The following MTMR3 variants were observed in gnomAD, a reference collection of about 807,000 sequenced individuals.
MTMR3 encodes the protein myotubularin related protein 3, also known as phosphatidylinositol-3,5-bisphosphate 3-phosphatase MTMR3.
MTMR3 carries 32 observed loss-of-function variants against 132.4 expected under a neutral mutation model. That is an observed-to-expected ratio of 0.24 (90% CI 0.18 to 0.32). The LOEUF (loss-of-function observed/expected upper bound fraction) is 0.32. Ranked by LOEUF, MTMR3 falls within the 10% of genes least tolerant of loss-of-function variation. The probability of loss-of-function intolerance (pLI) is 1.00; values close to 1 mark genes in which losing one functional copy is unlikely to be tolerated. For missense variants in MTMR3, 1,216 were observed against 1,489.6 expected (o/e 0.82, Z 3.02); for synonymous variants, 556 against 550.3 (o/e 1.01, Z -0.14).
At chr22:29,954,461 A>G (rs1361640333) in intron 1 of MTMR3, among the ~76,000 whole-genome samples, 3 of 152,030 alleles carry the variant, frequency 2.0e-5, no homozygotes, top group East Asian at 1.9e-4. Flanking sequence ...ATGTTTCACA[A>G]TGACACACTG....
chr22:29,991,663 C>T lies in MTMR3; in HGVS notation c.453C>T (p.Cys151=), dbSNP rs764022509. The change falls in exon 7 of 20, where the codon TGC becomes TGT. Residue 151 remains cysteine, a synonymous_variant. Coordinates refer to ENST00000401950, the MANE Select transcript of MTMR3 (RefSeq NM_021090.4). ...ASEKEQHGDL[C]RPGEHVTSRF... ...AAAAAGAGCAACATGGAGACCTGTG[C>T]AGACCAGGTACGCCTTTCTGAAATG... 1 of 1,606,820 alleles carries T rather than the reference C, an allele frequency of 6.2e-7. No individual in the cohort carries two copies.
chr22:29,968,045 T>C (rs1364899584), intron 2 of MTMR3, among the ~76,000 whole-genome samples: 1 of 152,070 alleles, frequency 6.6e-6, no homozygotes, highest in Non-Finnish European at 1.5e-5. Flanking sequence ...ATAATGCTGT[T>C]ACGAAAATTT....
intron 1 of MTMR3, among the ~76,000 whole-genome samples, chr22:29,947,995 A>C (rs969731164): frequency 6.6e-6 from 1 of 152,024 alleles, no homozygotes; most frequent in Non-Finnish European, 1.5e-5. Context: ...TGGTTATTGG[A>C]GGTTGTTGGT....
At position 29,962,800 on chromosome 22, in the gene MTMR3, T is replaced by C. The variant is rs140309367; in HGVS notation, c.-85+5712T>C. On this transcript the variant is annotated intron_variant, in intron 2 of 19. Transcript: ENST00000401950. ...TTCTGGACATTTCATATAAATGATA[T>C]CATAACAATATGTGGTCTTTTGTGA... Among the ~76,000 whole-genome samples the C allele has an allele frequency of 4.5e-3, 683 of 152,290 alleles. 6 individuals carry two copies. The highest frequency in any genetic ancestry group is 0.015 in the African/African-American group (644 of 41,552).
At chr22:29,971,197 T>G in intron 3 of MTMR3, 135 bp downstream of exon 3, 9 of 889,838 alleles carry the variant, frequency 1.0e-5, no homozygotes, top group African/African-American at 1.7e-5. Flanking sequence ...CCCAGATCTC[T>G]TGTGTCTTTT....
rs2067910652 is a variant in MTMR3 at position 30,026,318 on chromosome 22, TG to T, written c.*520del. 1.3e-5 allele frequency: 2 copies of T among 156,838 alleles called. No individual in the cohort carries two copies. The highest frequency in any genetic ancestry group is 3.8e-4 in the South Asian group (2 of 5,212). The allele number at this position is 156,838 out of a possible 1,614,324, so 9.7% of individuals were successfully genotyped here. On this transcript the variant is annotated 3_prime_UTR_variant, in exon 20 of 20. Coordinates refer to ENST00000401950, the MANE Select transcript of MTMR3 (RefSeq NM_021090.4). ...AGCATATTCCCCAAGAGCACTGCCCTGGGCATCATCTCCCTCCTGCGAGGAG... is the reference window on the plus strand; with the variant it reads ...AGCATATTCCCCAAGAGCACTGCCCTGGCATCATCTCCCTCCTGCGAGGAG...
chr22:29,913,812 C>T (rs535306850), intron 1 of MTMR3, among the ~76,000 whole-genome samples: 18 of 151,430 alleles, frequency 1.2e-4, no homozygotes, highest in African/African-American at 4.1e-4. Context: ...AGTGCGGTGG[C>T]GAGATCTCGG....
intron 14 of MTMR3, chr22:30,014,575 C>T (rs1297015047): frequency 7.2e-6 from 1 of 138,618 alleles, no homozygotes; most frequent in African/African-American, 2.7e-5. Flanking sequence ...GCAGTGTGAT[C>T]ATAACTCACT....
At chr22:29,967,917 C>CTGTGTGTGTGTGTGTGTGTG in intron 2 of MTMR3, among the ~76,000 whole-genome samples, 2 of 148,454 alleles carry the variant, frequency 1.3e-5, no homozygotes, top group African/African-American at 5.0e-5. Flanking sequence ...ATTATATATA[C>CTGTGTGTGTGTGTGTGTGTG]TGTGTGTGTG....
chr22:30,025,525 C>T (rs2067894792), intron 19 of MTMR3, 105 bp from the exon 20 acceptor site: 1 of 1,212,544 alleles, frequency 8.2e-7, no homozygotes. Context: ...CAAGGAGCTC[C>T]AGCACATGCA....
chr22:29,988,727 C>CT (rs1251150658), intron 6 of MTMR3, 165 bp downstream of exon 6: 2 of 401,728 alleles, frequency 5.0e-6, no homozygotes, highest in Non-Finnish European at 8.7e-6. Flanking sequence ...AGGATGTATA[C>CT]TTTGCTATGT....
At chr22:29,897,569 C>T (rs1238724832) in intron 1 of MTMR3, among the ~76,000 whole-genome samples, 3 of 151,956 alleles carry the variant, frequency 2.0e-5, no homozygotes, top group Non-Finnish European at 2.9e-5. Flanking sequence ...TCTTGTGCCT[C>T]GGCCTTTTGA....
At position 30,017,599 on chromosome 22, in the gene MTMR3, A is replaced by G. The variant is rs1454398097; in HGVS notation, c.1675-328A>G. ...ATCTAACAGAATGACTCACTTTCTT[A>G]GGCAGTAAAAGCAACAAATCAAGCT... On this transcript the variant is annotated intron_variant, in intron 15 of 19. Transcript: ENST00000401950. 4 of 252,138 alleles carry G rather than the reference A, an allele frequency of 1.6e-5. No individual in the cohort carries two copies. The East Asian group carries it at 5.0e-4, about 31-fold the overall frequency. 15.6% of individuals were successfully genotyped at this position (252,138 alleles called of 1,614,324 possible).
chr22:29,938,711 A>G (rs111823379), intron 1 of MTMR3, among the ~76,000 whole-genome samples: 6 of 152,232 alleles, frequency 3.9e-5, no homozygotes, highest in Admixed American at 2.0e-4. Flanking sequence ...GTAAAGGTAT[A>G]TGCAAATTCT....
At position 30,025,610 on chromosome 22, in the gene MTMR3, C is replaced by G. The variant is rs1339723188; in HGVS notation, c.3426-20C>G. ...CCTGCTGGCCAAAACTAACATTGTT[C>G]TGTTTCTTCTCATCTCAAGGAATTG... On this transcript the variant is annotated intron_variant, in intron 19 of 19. Coordinates refer to ENST00000401950, the MANE Select transcript of MTMR3 (RefSeq NM_021090.4). The G allele has an allele frequency of 1.9e-6, 3 of 1,613,858 alleles. No homozygotes were observed. Among genetic ancestry groups the G allele is most frequent in the Non-Finnish European group, 2.5e-6 (3 of 1,179,734 alleles).
At chr22:29,885,465 A>G (rs2064655425) in intron 1 of MTMR3, among the ~76,000 whole-genome samples, 1 of 152,224 alleles carries the variant, frequency 6.6e-6, no homozygotes, top group African/African-American at 2.4e-5. Flanking sequence ...CAAACAAGTT[A>G]TTAGGAACAC....
At chr22:29,909,126 C>T (rs1355883349) in intron 1 of MTMR3, among the ~76,000 whole-genome samples, 1 of 151,988 alleles carries the variant, frequency 6.6e-6, no homozygotes, top group Non-Finnish European at 1.5e-5. Context: ...CCATGCTCAG[C>T]TGAGTTTTTA....
chr22:29,985,255 T>C (rs2066833484), intron 5 of MTMR3: 1 of 152,186 alleles, frequency 6.6e-6, no homozygotes, highest in African/African-American at 2.4e-5. Flanking sequence ...ATTCCAGCAC[T>C]TTGGGAGGCC....
chr22:29,950,600 G>GA (rs1165151869), intron 1 of MTMR3, among the ~76,000 whole-genome samples: 2 of 152,088 alleles, frequency 1.3e-5, no homozygotes, highest in Non-Finnish European at 2.9e-5. Flanking sequence ...CTCACCGCGT[G>GA]ATCTGCCCAT....
Sources: gnomAD v4.1 joint callset for allele counts (sites outside exome capture counted in the v4.1 genomes callset) on GRCh38, gnomAD v4.1.1 for gene constraint, MANE v1.5 for transcripts, NCBI Gene and HGNC (gene_info 2026-07-23, HGNC 2026-07-21) for gene names.